The following FAM149B1 variants were observed in gnomAD, a reference collection of about 807,000 sequenced individuals.
The protein encoded by FAM149B1 is family with sequence similarity 149 member B1, also known as primary cilium assembly protein FAM149B1.
In FAM149B1, 56 loss-of-function variants were observed where a neutral mutation model predicts 75.3. The observed-to-expected ratio is 0.74, with a 90% CI of 0.60 to 0.93. The LOEUF is 0.93. FAM149B1 is among the 40% of genes least tolerant of loss of function. The pLI is 0.00. For missense variants in FAM149B1, 639 were observed against 708.4 expected (o/e 0.90, Z 1.11); for synonymous variants, 259 against 256.1 (o/e 1.01, Z -0.11).
intron 1 of FAM149B1, 64 bp downstream of exon 1, chr10:73,168,450 A>C: frequency 6.5e-7 from 1 of 1,531,574 alleles, no homozygotes; most frequent in Admixed American, 2.0e-5. Context: ...ACCCTCCTTG[A>C]CCAGTCCTTC....
chr10:73,190,870 C>T (rs1319151704), intron 3 of FAM149B1, among the ~76,000 whole-genome samples: 3 of 152,068 alleles, frequency 2.0e-5, no homozygotes, highest in African/African-American at 7.2e-5. Context: ...AGGCACAGAC[C>T]ACCATGCCTG....
chr10:73,203,912 A>G (rs1470470413), intron 5 of FAM149B1, among the ~76,000 whole-genome samples: 4 of 152,124 alleles, frequency 2.6e-5, no homozygotes, highest in Admixed American at 2.6e-4. Context: ...AAGTGCAGAG[A>G]TTACAGGAAT....
intron 1 of FAM149B1, among the ~76,000 whole-genome samples, chr10:73,171,522 C>A (rs571837842): frequency 6.6e-6 from 1 of 152,074 alleles, no homozygotes; most frequent in South Asian, 2.1e-4. Context: ...TGAAAAATTT[C>A]AAACATAAAC....
chr10:73,235,516 T>A, intron 12 of FAM149B1, 198 bp downstream of exon 12: 1 of 1,258,244 alleles, frequency 7.9e-7, no homozygotes, highest in Non-Finnish European at 1.1e-6. Flanking sequence ...TAATGCCTTA[T>A]ACAGAAATCA....
At chr10:73,230,150 C>A (rs1415081565) in intron 8 of FAM149B1, 2 of 322,064 alleles carry the variant, frequency 6.2e-6, no homozygotes, top group Non-Finnish European at 1.2e-5. Context: ...AAGGTCCTCA[C>A]TCCCTGTAAG....
chr10:73,233,256 C>A, intron 10 of FAM149B1, 93 bp downstream of exon 10: 1 of 901,222 alleles, frequency 1.1e-6, no homozygotes, highest in Non-Finnish European at 1.7e-6. Flanking sequence ...AAATCTATGC[C>A]TAGAAACTAA....
chr10:73,228,048 T>A lies in FAM149B1; in HGVS notation c.899-12T>A, dbSNP rs190305191. 2.6e-6 allele frequency: 4 copies of A among 1,551,454 alleles called. No homozygotes were observed. The Admixed American group carries it at 7.8e-5, about 30-fold the overall frequency. On this transcript the variant is annotated splice_polypyrimidine_tract_variant and intron_variant, in intron 7 of 13. Coordinates refer to ENST00000242505, the MANE Select transcript of FAM149B1 (RefSeq NM_173348.2). ...ATTATCCATGGATAATATATCCTGT[T>A]CCTTTGCCCAGATGATGAGAGTAAT...
chr10:73,201,057 T>C, intron 5 of FAM149B1: 1 of 300,474 alleles, frequency 3.3e-6, no homozygotes, highest in Non-Finnish European at 6.7e-6. Flanking sequence ...ATGATCTACC[T>C]AGCAGTCATG....
intron 12 of FAM149B1, among the ~76,000 whole-genome samples, chr10:73,238,431 A>C (rs1314803551): frequency 1.3e-5 from 2 of 152,222 alleles, no homozygotes; most frequent in Non-Finnish European, 2.9e-5. Flanking sequence ...CATCTAGAAT[A>C]GGGGCCAGTA....
chr10:73,240,667 A>G (rs971138475), intron 13 of FAM149B1, among the ~76,000 whole-genome samples: 2 of 151,472 alleles, frequency 1.3e-5, no homozygotes, highest in East Asian at 1.9e-4. Flanking sequence ...AGCCGAGATC[A>G]TGCCACTGCA....
intron 3 of FAM149B1, chr10:73,183,328 A>G (rs2042444977): frequency 6.6e-6 from 1 of 152,212 alleles, no homozygotes; most frequent in East Asian, 1.9e-4. Flanking sequence ...AGAAGTAAAT[A>G]TAGCTCAAAT....
chr10:73,190,799 G>A (rs1468774258), intron 3 of FAM149B1, among the ~76,000 whole-genome samples: 1 of 150,654 alleles, frequency 6.6e-6, no homozygotes, highest in Non-Finnish European at 1.5e-5. Context: ...GCTCACTACA[G>A]CCTCGAACTC....
At chr10:73,168,648 T>G (rs540019876) in intron 1 of FAM149B1, among the ~76,000 whole-genome samples, 2 of 152,316 alleles carry the variant, frequency 1.3e-5, no homozygotes, top group South Asian at 4.1e-4. Flanking sequence ...CAGGTCCCAT[T>G]GTTAATGGCC....
At chr10:73,205,230 G>T (rs1301959906) in intron 5 of FAM149B1, among the ~76,000 whole-genome samples, 2 of 151,912 alleles carry the variant, frequency 1.3e-5, no homozygotes, top group Non-Finnish European at 2.9e-5. Context: ...CCTGGTGGGA[G>T]GTGTCTGAGT....
At chr10:73,235,527 C>T in intron 12 of FAM149B1, 1 of 1,182,824 alleles carries the variant, frequency 8.5e-7, no homozygotes, top group Admixed American at 3.1e-5. Context: ...ACAGAAATCA[C>T]AAATATTCTA....
chr10:73,215,384 T>A (rs2043275533), intron 7 of FAM149B1, among the ~76,000 whole-genome samples: 1 of 152,066 alleles, frequency 6.6e-6, no homozygotes, highest in African/African-American at 2.4e-5. Flanking sequence ...TACTTTTTTT[T>A]AATTAAAAAA....
intron 5 of FAM149B1, chr10:73,200,902 G>A: frequency 8.3e-6 from 4 of 480,388 alleles, no homozygotes; most frequent in South Asian, 6.6e-5. Context: ...GGACGTCACA[G>A]TTTTTGCTCT....
intron 5 of FAM149B1, among the ~76,000 whole-genome samples, chr10:73,198,666 G>A (rs1336985068): frequency 3.3e-5 from 5 of 152,136 alleles, no homozygotes; most frequent in African/African-American, 4.8e-5. Context: ...TTAGCTTGGC[G>A]TGGCAGTGTG....
chr10:73,218,579 C>T lies in FAM149B1; in HGVS notation c.898+8141C>T, dbSNP rs561359938. Reference sequence around the variant, plus strand: ...CTTAGGGTCCTGCTTGAATGGCTGGCTGAGAGACAAAGCCCTTAAGTTTCA... The same window carrying T: ...CTTAGGGTCCTGCTTGAATGGCTGGTTGAGAGACAAAGCCCTTAAGTTTCA... On this transcript the variant is annotated intron_variant, in intron 7 of 13. Coordinates refer to ENST00000242505, the MANE Select transcript of FAM149B1 (RefSeq NM_173348.2). Among the ~76,000 whole-genome samples the T allele has an allele frequency of 3.3e-5, 5 of 152,238 alleles. No individual in the cohort carries two copies. In the South Asian group the frequency reaches 1.0e-3, roughly 32 times the overall value.
Sources: gnomAD v4.1 joint callset for allele counts (sites outside exome capture counted in the v4.1 genomes callset) on GRCh38, gnomAD v4.1.1 for gene constraint, MANE v1.5 for transcripts, NCBI Gene and HGNC (gene_info 2026-07-23, HGNC 2026-07-21) for gene names.